Variants in SORCS1 observed in about 807,000 individuals in gnomAD.
The protein encoded by SORCS1 is sortilin related VPS10 domain containing receptor 1.
SORCS1 carries 60 observed loss-of-function variants against 146.1 expected under a neutral mutation model. The observed-to-expected ratio is 0.41, with a 90% CI of 0.33 to 0.51. The LOEUF is 0.51. Among genes scored for constraint, SORCS1 ranks in the 20% least tolerant of loss-of-function variants. SORCS1 has a pLI of 0.21. For synonymous variants in SORCS1, 637 were observed against 584.0 expected, an observed-to-expected ratio of 1.09 and a Z score of -1.31; for missense variants, 1,352 against 1,487.6, an observed-to-expected ratio of 0.91 and a Z score of 1.50.
upstream of SORCS1, among the ~76,000 whole-genome samples, chr10:107,166,167 T>A (rs1485901202): frequency 1.3e-5 from 2 of 152,226 alleles, no homozygotes; most frequent in African/African-American, 4.8e-5. Flanking sequence ...AACAAAATAG[T>A]ACCGATTCCA....
At chr10:106,964,689 T>C (rs1955417044) in intron 1 of SORCS1, among the ~76,000 whole-genome samples, 1 of 152,028 alleles carries the variant, frequency 6.6e-6, no homozygotes, top group South Asian at 2.1e-4. Flanking sequence ...TGTTTCACTG[T>C]GTTAGTCAGG....
intron 17 of SORCS1, among the ~76,000 whole-genome samples, chr10:106,659,265 G>C (rs1271392597): frequency 6.6e-6 from 1 of 152,214 alleles, no homozygotes; most frequent in Non-Finnish European, 1.5e-5. Flanking sequence ...AAAGAAGAAA[G>C]CTTCTCTTGC....
intron 1 of SORCS1, among the ~76,000 whole-genome samples, chr10:106,974,381 A>T (rs1215758272): frequency 6.6e-6 from 1 of 152,244 alleles, no homozygotes; most frequent in Non-Finnish European, 1.5e-5. Context: ...AGGCTGGAAA[A>T]TGTGAAGCAT....
intron 2 of SORCS1, among the ~76,000 whole-genome samples, chr10:106,875,377 T>C (rs768471827): frequency 1.3e-5 from 2 of 152,188 alleles, no homozygotes; most frequent in Non-Finnish European, 2.9e-5. Context: ...TGGGCACTTA[T>C]GTTGGTTCCA....
rs542314340 is a variant in SORCS1, at chr10:106,835,866, G to A, written c.627-6193C>T. 2.6e-5 allele frequency among the ~76,000 whole-genome samples: 4 copies of A among 152,254 alleles called. No homozygotes were observed. The East Asian group carries it at 5.8e-4, about 22-fold the overall frequency. On this transcript the variant is annotated intron_variant, in intron 2 of 25. Transcript: ENST00000263054. ...ACTAAAAATACAAAATCAGCCGGAT[G>A]TGGTGGCTCATGCCTGTAATCCCAG... is the stretch of plus-strand genomic sequence containing the variant.
At chr10:107,089,446 T>C (rs922055830) in intron 1 of SORCS1, among the ~76,000 whole-genome samples, 1 of 152,214 alleles carries the variant, frequency 6.6e-6, no homozygotes, top group Non-Finnish European at 1.5e-5. Context: ...CATGAAAATC[T>C]ATCTTGTCTT....
At chr10:107,163,461 C>T (rs1969858122) in intron 1 of SORCS1, among the ~76,000 whole-genome samples, 1 of 152,220 alleles carries the variant, frequency 6.6e-6, no homozygotes, top group Admixed American at 6.5e-5. Flanking sequence ...CTCTCCACTG[C>T]AGTTCTCCCT....
intron 1 of SORCS1, among the ~76,000 whole-genome samples, chr10:107,061,206 A>G (rs1220052110): frequency 1.3e-5 from 2 of 152,196 alleles, no homozygotes; most frequent in Non-Finnish European, 2.9e-5. Flanking sequence ...GAACATATAC[A>G]AACAAAAGAT....
chr10:106,868,705 G>T (rs1196531535), intron 2 of SORCS1, among the ~76,000 whole-genome samples: 1 of 152,084 alleles, frequency 6.6e-6, no homozygotes, highest in Non-Finnish European at 1.5e-5. Flanking sequence ...TGTTAAGAAA[G>T]ACATTAATTT....
At chr10:106,801,594 T>A (rs1298441203) in intron 3 of SORCS1, among the ~76,000 whole-genome samples, 4 of 148,382 alleles carry the variant, frequency 2.7e-5, no homozygotes, top group African/African-American at 1.0e-4. Flanking sequence ...AGTGGTGGGA[T>A]CTCGGCTCAC....
chr10:106,727,574 A>C (rs1247782621), intron 6 of SORCS1, among the ~76,000 whole-genome samples: 6 of 152,212 alleles, frequency 3.9e-5, no homozygotes, highest in African/African-American at 1.2e-4. Context: ...TAAAACTTAC[A>C]GACTGGTGGC....
At chr10:107,114,203 T>C (rs1965876955) in intron 1 of SORCS1, among the ~76,000 whole-genome samples, 1 of 152,152 alleles carries the variant, frequency 6.6e-6, no homozygotes, top group African/African-American at 2.4e-5. Context: ...AACGTTTAAA[T>C]AATTAATGCC....
chr10:106,852,687 G>T (rs938469877), intron 2 of SORCS1, among the ~76,000 whole-genome samples: 2 of 151,208 alleles, frequency 1.3e-5, no homozygotes, highest in African/African-American at 4.9e-5. Flanking sequence ...TCCTTAGGTT[G>T]CTGAGAGTTT....
At chr10:107,174,392 T>C in the SORCS1 span, among the ~76,000 whole-genome samples, 1 of 152,074 alleles carries the variant, frequency 6.6e-6, no homozygotes, top group Non-Finnish European at 1.5e-5. Flanking sequence ...TTTTGTTTAG[T>C]AGAGATGGGG....
chr10:106,984,736 T>C (rs1175224277), intron 1 of SORCS1, among the ~76,000 whole-genome samples: 3 of 152,104 alleles, frequency 2.0e-5, no homozygotes, highest in African/African-American at 4.8e-5. Context: ...CCACCATTCA[T>C]GTGGTAGTAA....
chr10:107,006,386 T>C (rs1957443757), intron 1 of SORCS1, among the ~76,000 whole-genome samples: 1 of 152,028 alleles, frequency 6.6e-6, no homozygotes, highest in South Asian at 2.1e-4. Flanking sequence ...AGAGAATAAA[T>C]AGATGGCACA....
At chr10:106,852,598 A>G (rs1949628755) in intron 2 of SORCS1, among the ~76,000 whole-genome samples, 1 of 145,180 alleles carries the variant, frequency 6.9e-6, no homozygotes, top group Admixed American at 7.2e-5. Context: ...ACTGCACTCC[A>G]GCCTGGGTGA....
At chr10:106,721,229 C>T (rs181269477) in intron 6 of SORCS1, among the ~76,000 whole-genome samples, 236 of 151,968 alleles carry the variant, frequency 1.6e-3, no homozygotes, top group African/African-American at 5.2e-3. Context: ...GAAATGGAAA[C>T]GTCTAACCTC....
intron 5 of SORCS1, among the ~76,000 whole-genome samples, chr10:106,760,971 G>A (rs1482230781): frequency 6.6e-6 from 1 of 152,056 alleles, no homozygotes; most frequent in African/African-American, 2.4e-5. Flanking sequence ...GCCAGGCATG[G>A]TGGCGTGCAC....
Sources: gnomAD v4.1 joint callset for allele counts (sites outside exome capture counted in the v4.1 genomes callset) on GRCh38, gnomAD v4.1.1 for gene constraint, MANE v1.5 for transcripts, NCBI Gene and HGNC (gene_info 2026-07-23, HGNC 2026-07-21) for gene names.